TOLLIP: variants seen among roughly 807,000 people sequenced by gnomAD.
TOLLIP encodes toll-interacting protein.
A neutral mutation model predicts 33.5 loss-of-function variants in TOLLIP; 16 were observed. The observed-to-expected ratio is 0.48, with a 90% CI of 0.32 to 0.72. The LOEUF (loss-of-function observed/expected upper bound fraction) is 0.72. Ranked by LOEUF, TOLLIP falls within the 30% of genes least tolerant of loss-of-function variation. The pLI is 0.03. For missense variants in TOLLIP, 325 were observed against 396.6 expected (o/e 0.82, Z 1.53); for synonymous variants, 176 against 163.7 (o/e 1.07, Z -0.57).
In TOLLIP at chr11:1,303,960, T is replaced by C. The variant is rs1864355244; in HGVS notation, c.33+5506A>G. Among the ~76,000 whole-genome samples, 2 of 147,928 alleles carry C rather than the reference T, an allele frequency of 1.4e-5. No homozygotes were observed. Among genetic ancestry groups the C allele is most frequent in the Admixed American group, 1.4e-4 (2 of 14,636 alleles). ...CTGAGGCAGGAAAATCGCTTGAACC[T>C]GGGAGGAAGAGGTTGCAGTGAGTTG... On this transcript the variant is annotated intron_variant, in intron 1 of 5. Transcript: ENST00000317204. The surrounding 1 kb of genome is among the most constrained non-coding windows in gnomAD (Gnocchi z 4.2).
rs1863821937 is a variant in TOLLIP, at chr11:1,288,533, G to A, written c.519+91C>T. Reference sequence around the variant, plus strand: ...TGTTTTATGGGCTCAGTGCCTCCAGGAAAGAGACAAGGGTGTCTGTGGGGC... The same window carrying A: ...TGTTTTATGGGCTCAGTGCCTCCAGAAAAGAGACAAGGGTGTCTGTGGGGC... On this transcript the variant is annotated intron_variant, in intron 4 of 5. Coordinates refer to ENST00000317204, the MANE Select transcript of TOLLIP (RefSeq NM_019009.4). 2.8e-6 allele frequency: 4 copies of A among 1,444,602 alleles called. No homozygotes were observed. The East Asian group carries it at 9.7e-5, about 35-fold the overall frequency. 89.5% of individuals were successfully genotyped at this position (1,444,602 alleles called of 1,614,324 possible). A position where few individuals can be genotyped will look rare whatever the true frequency, so the allele number is the denominator to read the frequency against.
At position 1,287,384 on chromosome 11, in the gene TOLLIP, T is replaced by G; in HGVS notation, c.519+1240A>C. Among the ~76,000 whole-genome samples, 2 of 125,140 alleles carry G rather than the reference T, an allele frequency of 1.6e-5. 1 individual carries two copies. The highest frequency in any genetic ancestry group is 3.4e-5 in the Non-Finnish European group (2 of 58,990). 82.1% of individuals were successfully genotyped at this position (125,140 alleles called of 152,430 possible). On this transcript the variant is annotated intron_variant, in intron 4 of 5. Coordinates refer to ENST00000317204, the MANE Select transcript of TOLLIP (RefSeq NM_019009.4). ...AGCCAAGATGGCCCAGAAAAGCAGCTCCCTGCTGCTGCCTCCCCGCCGCAG... is the reference window on the plus strand; with the variant it reads ...AGCCAAGATGGCCCAGAAAAGCAGCGCCCTGCTGCTGCCTCCCCGCCGCAG...
At chr11:1,292,623 C>T (rs1441033495) in intron 2 of TOLLIP, among the ~76,000 whole-genome samples, 1 of 152,262 alleles carries the variant, frequency 6.6e-6, no homozygotes, top group Non-Finnish European at 1.5e-5. Flanking sequence ...ACTATGACTG[C>T]ACACAACCAC....
Position 1,302,655 on chromosome 11 carries a change from A to C in TOLLIP, c.33+6811T>G, listed in dbSNP as rs540572789. The stretch of plus-strand genomic sequence containing the variant: ...CCACACCAGCCTCCTGACACTCCCC[A>C]AAACCCACTCCAGCCAGCCTCGGCC... On this transcript the variant is annotated intron_variant, in intron 1 of 5. Transcript: ENST00000317204. The C allele has an allele frequency of 2.5e-5, 25 of 987,284 alleles. No homozygotes were observed. In the African/African-American group the frequency reaches 4.4e-4, roughly 17 times the overall value. The allele number at this position is 987,284 out of a possible 1,614,324, so 61.2% of individuals were successfully genotyped here.
intron 1 of TOLLIP, among the ~76,000 whole-genome samples, chr11:1,299,308 G>C (rs1308380733): frequency 6.6e-6 from 1 of 152,180 alleles, no homozygotes; most frequent in Admixed American, 6.5e-5. Context: ...CCGCCTACCA[G>C]GGAGAGGCGG....
chr11:1,286,573 C>T lies in TOLLIP; in HGVS notation c.520-481G>A, dbSNP rs552932974. On this transcript the variant is annotated intron_variant, in intron 4 of 5. Coordinates refer to ENST00000317204, the MANE Select transcript of TOLLIP (RefSeq NM_019009.4). ...GTCAACTGCGGATAAGTCACTGCAC[C>T]GCTGTCGTCTCTGAGTTTAGTTCAA... 2.1e-3 allele frequency among the ~76,000 whole-genome samples: 316 copies of T among 151,310 alleles called. 3 individuals carry two copies. The highest frequency in any genetic ancestry group is 7.3e-3 in the African/African-American group (302 of 41,180).
chr11:1,308,539 G>A (rs979477542), intron 1 of TOLLIP, among the ~76,000 whole-genome samples: 2 of 152,222 alleles, frequency 1.3e-5, no homozygotes, highest in African/African-American at 4.8e-5. Flanking sequence ...TGAGCCAGGA[G>A]GCCACTCACG....
chr11:1,289,349 C>T (rs1361665156), intron 3 of TOLLIP, among the ~76,000 whole-genome samples: 1 of 152,222 alleles, frequency 6.6e-6, no homozygotes. Flanking sequence ...CCACACTGCT[C>T]CCCGGCCCCC....
rs1175341584 is a variant in TOLLIP, at chr11:1,276,324, G to A, written c.*715C>T. ...GGACGGCAGCCTCCGGCGGGCGAAG[G>A]ACCCGGCTTCAGATGCCCGCTGGCT... On this transcript the variant is annotated 3_prime_UTR_variant, in exon 6 of 6. Coordinates refer to ENST00000317204, the MANE Select transcript of TOLLIP (RefSeq NM_019009.4). 2 of 221,412 alleles carry A rather than the reference G, an allele frequency of 9.0e-6. No individual in the cohort carries two copies. The highest frequency in any genetic ancestry group is 4.6e-5 in the African/African-American group (2 of 43,234). 13.7% of individuals were successfully genotyped at this position (221,412 alleles called of 1,614,324 possible). A position where few individuals can be genotyped will look rare whatever the true frequency, so the allele number is the denominator to read the frequency against.
chr11:1,295,636 A>T lies in TOLLIP; in HGVS notation c.183+9T>A, dbSNP rs754824984. 2.6e-6 allele frequency: 4 copies of T among 1,533,094 alleles called. No individual in the cohort carries two copies. Among genetic ancestry groups the T allele is most frequent in the Non-Finnish European group, 3.5e-6 (4 of 1,128,588 alleles). The allele number at this position is 1,533,094 out of a possible 1,614,324, so 95.0% of individuals were successfully genotyped here. Reference sequence around the variant, plus strand: ...CCCCAGGCAGGCAGGAGGGTGCCCCAAGGCCCACCTGTACCACCGTGATGT... The same window carrying T: ...CCCCAGGCAGGCAGGAGGGTGCCCCTAGGCCCACCTGTACCACCGTGATGT... On this transcript the variant is annotated intron_variant, in intron 2 of 5. Coordinates refer to ENST00000317204, the MANE Select transcript of TOLLIP (RefSeq NM_019009.4).
At chr11:1,282,194 C>A (rs1863524675) in intron 5 of TOLLIP, among the ~76,000 whole-genome samples, 2 of 152,150 alleles carry the variant, frequency 1.3e-5, no homozygotes, top group Admixed American at 6.5e-5. Context: ...TCCTGCAGTG[C>A]CAGGAAGCAG....
chr11:1,306,116 C>T (rs1864416628), intron 1 of TOLLIP: 1 of 152,212 alleles, frequency 6.6e-6, no homozygotes. Flanking sequence ...AAAAGGTTAT[C>T]TTTCCAAAAT....
Position 1,295,731 on chromosome 11 carries a change from C to G in TOLLIP, c.97G>C (p.Val33Leu). The G allele has an allele frequency of 6.2e-7, 1 of 1,610,128 alleles. No individual in the cohort carries two copies. The highest frequency in any genetic ancestry group is 1.1e-5 in the South Asian group (1 of 90,790). Residue 33 changes from valine to leucine, a missense_variant, in exon 2 of 6, where the codon GTC (valine) becomes CTC (leucine). By Grantham distance (32) the Val-to-Leu change is conservative. Coordinates refer to ENST00000317204, the MANE Select transcript of TOLLIP (RefSeq NM_019009.4). ...TGGGCCGCCTGGGCGTCCAGCTGGA[C>G]CTGCCGCTGCTGCTGTGTGGGCGTG... ...RITPTQQQRQ[V>L]QLDAQAAQQL...
intron 1 of TOLLIP, among the ~76,000 whole-genome samples, chr11:1,297,613 G>A (rs1372750106): frequency 1.3e-5 from 2 of 152,260 alleles, no homozygotes; most frequent in East Asian, 1.9e-4. Context: ...GACACGTCAC[G>A]AGTGACCTTT....
At chr11:1,283,347 C>T (rs914250167) in intron 5 of TOLLIP, 34 of 344,942 alleles carry the variant, frequency 9.9e-5, no homozygotes, top group Non-Finnish European at 1.6e-4. Flanking sequence ...CCAGTGACCC[C>T]GGCCTGGATG....
chr11:1,275,105 C>T lies in TOLLIP; in HGVS notation c.*1934G>A, dbSNP rs961178501. On this transcript the variant is annotated 3_prime_UTR_variant, in exon 6 of 6. Coordinates refer to ENST00000317204, the MANE Select transcript of TOLLIP (RefSeq NM_019009.4). Reference sequence around the variant, plus strand: ...AGATGGCGGCAAGCGTGGTCATCGGCAAAGGGTTGCTCTCCCTCCAGCGAG... The same window carrying T: ...AGATGGCGGCAAGCGTGGTCATCGGTAAAGGGTTGCTCTCCCTCCAGCGAG... 9 of 152,240 alleles carry T rather than the reference C, an allele frequency of 5.9e-5. No individual in the cohort carries two copies. Among genetic ancestry groups the T allele is most frequent in the African/African-American group, 1.9e-4 (8 of 41,468 alleles). The allele number at this position is 152,240 out of a possible 1,614,324, so 9.4% of individuals were successfully genotyped here. A position where few individuals can be genotyped will look rare whatever the true frequency, so the allele number is the denominator to read the frequency against.
chr11:1,299,404 C>A (rs1392176731), intron 1 of TOLLIP, among the ~76,000 whole-genome samples: 2 of 152,160 alleles, frequency 1.3e-5, no homozygotes, highest in Non-Finnish European at 2.9e-5. Flanking sequence ...TCATGCTTCA[C>A]GAGTCACAGG....
chr11:1,291,478 G>A (rs1448579419), intron 2 of TOLLIP, among the ~76,000 whole-genome samples: 5 of 140,614 alleles, frequency 3.6e-5, no homozygotes, highest in Non-Finnish European at 6.1e-5. Flanking sequence ...CGGCCAACCT[G>A]TCCACACCAA....
chr11:1,295,745 T>A lies in TOLLIP; in HGVS notation c.83A>T (p.Gln28Leu), dbSNP rs755763044. Residue 28 changes from glutamine to leucine, a missense_variant, in exon 2 of 6, where the codon CAG (glutamine) becomes CTG (leucine). Gln to Leu is a moderately radical substitution (Grantham distance 113, BLOSUM62 -2). Transcript: ENST00000317204. ...GTCCAGCTGGACCTGCCGCTGCTGCTGTGTGGGCGTGATGCGGAGGAAGTC... is the reference window on the plus strand; with the variant it reads ...GTCCAGCTGGACCTGCCGCTGCTGCAGTGTGGGCGTGATGCGGAGGAAGTC... ...PQDFLRITPT[Q>L]QQRQVQLDAQ... The A allele has an allele frequency of 6.2e-7, 1 of 1,606,790 alleles. No individual in the cohort carries two copies. Among genetic ancestry groups the A allele is most frequent in the Non-Finnish European group, 8.5e-7 (1 of 1,176,860 alleles).
Sources: gnomAD v4.1 joint callset for allele counts (sites outside exome capture counted in the v4.1 genomes callset) on GRCh38, gnomAD v4.1.1 for gene constraint, Gnocchi (gnomAD v3.1) non-coding constraint, MANE v1.5 for transcripts, NCBI Gene and HGNC (gene_info 2026-07-23, HGNC 2026-07-21) for gene names.